The following HS3ST5 variants were observed in gnomAD, a reference collection of about 807,000 sequenced individuals.
The protein encoded by HS3ST5 is heparan sulfate-glucosamine 3-sulfotransferase 5, also known as heparan sulfate glucosamine 3-O-sulfotransferase 5.
Under a neutral mutation model 25.4 loss-of-function variants are expected in HS3ST5, and 10 were observed. The observed-to-expected ratio is 0.39, with a 90% confidence interval of 0.24 to 0.67. The LOEUF (loss-of-function observed/expected upper bound fraction) is 0.67. Ranked by LOEUF, HS3ST5 falls within the 30% of genes least tolerant of loss-of-function variation. HS3ST5 has a pLI of 0.44. For missense variants in HS3ST5, 324 were observed against 420.7 expected, an observed-to-expected ratio of 0.77 and a Z score of 2.01; for synonymous variants, 170 against 162.4, an observed-to-expected ratio of 1.05 and a Z score of -0.36.
chr6:114,201,844 CCTT>C (rs925120422), intron 2 of HS3ST5, among the ~76,000 whole-genome samples: 11 of 152,144 alleles, frequency 7.2e-5, no homozygotes, highest in African/African-American at 2.4e-4. Context: ...GCAAACATGT[CCTT>C]CTTTACATGG....
At chr6:114,130,983 A>C (rs1777303594) in intron 3 of HS3ST5, among the ~76,000 whole-genome samples, 1 of 152,156 alleles carries the variant, frequency 6.6e-6, no homozygotes, top group Non-Finnish European at 1.5e-5. Flanking sequence ...TCAAGGCTGC[A>C]GTGAACTATG....
chr6:114,250,756 G>T (rs1461132287), intron 1 of HS3ST5, among the ~76,000 whole-genome samples: 1 of 152,112 alleles, frequency 6.6e-6, no homozygotes, highest in Non-Finnish European at 1.5e-5. Context: ...CTGTATTCCA[G>T]ATAAACAGTG....
chr6:114,125,059 A>C (rs1582627540), intron 3 of HS3ST5, among the ~76,000 whole-genome samples: 1 of 152,166 alleles, frequency 6.6e-6, no homozygotes, highest in Non-Finnish European at 1.5e-5. Flanking sequence ...AAAGCAAATA[A>C]AATATCATTG....
At chr6:114,133,704 G>T (rs1292359274) in intron 3 of HS3ST5, among the ~76,000 whole-genome samples, 1 of 152,182 alleles carries the variant, frequency 6.6e-6, no homozygotes, top group Non-Finnish European at 1.5e-5. Context: ...CATTTGTAGT[G>T]GGGGCAAGAG....
chr6:114,203,617 A>T (rs971178987), intron 2 of HS3ST5, among the ~76,000 whole-genome samples: 1 of 152,192 alleles, frequency 6.6e-6, no homozygotes, highest in African/African-American at 2.4e-5. Flanking sequence ...GAACTAAGTC[A>T]TACCAAGGAA....
At chr6:114,085,407 C>A (rs765936545) in intron 3 of HS3ST5, among the ~76,000 whole-genome samples, 52 of 152,100 alleles carry the variant, frequency 3.4e-4, no homozygotes, top group Non-Finnish European at 7.5e-4. Context: ...CAAGCAAAGA[C>A]CAATTTGGGA....
intron 1 of HS3ST5, among the ~76,000 whole-genome samples, chr6:114,341,950 C>G (rs1227097887): frequency 6.6e-6 from 1 of 152,164 alleles, no homozygotes; most frequent in East Asian, 1.9e-4. Flanking sequence ...CACCTTCTGT[C>G]TAATTTTACC....
At chr6:114,110,840 A>G (rs1776230944) in intron 3 of HS3ST5, among the ~76,000 whole-genome samples, 1 of 152,312 alleles carries the variant, frequency 6.6e-6, no homozygotes, top group African/African-American at 2.4e-5. Context: ...AGTTTGACAA[A>G]ATATTTAAAA....
intron 1 of HS3ST5, among the ~76,000 whole-genome samples, chr6:114,341,408 G>A (rs991391744): frequency 3.3e-5 from 5 of 152,106 alleles, no homozygotes; most frequent in African/African-American, 1.2e-4. Context: ...TGTTTGCTGG[G>A]CGCTTGGAAC....
Position 114,094,842 on chromosome 6 carries a change from A to G in HS3ST5, c.-32-31965T>C, listed in dbSNP as rs534470877. Reference sequence around the variant, plus strand: ...GCAATGTCACCGTTGTGATTTTTATACATGACATAAGATGGTCCTTCTAGT... The same window carrying G: ...GCAATGTCACCGTTGTGATTTTTATGCATGACATAAGATGGTCCTTCTAGT... On this transcript the variant is annotated intron_variant, in intron 3 of 4. Coordinates refer to ENST00000312719, the MANE Select transcript of HS3ST5 (RefSeq NM_153612.4). Among the ~76,000 whole-genome samples, 4 of 152,314 alleles carry G rather than the reference A, an allele frequency of 2.6e-5. No individual in the cohort carries two copies. The East Asian group carries it at 7.7e-4, about 29-fold the overall frequency.
chr6:114,148,835 C>A (rs1160791959), intron 3 of HS3ST5, among the ~76,000 whole-genome samples: 7 of 152,144 alleles, frequency 4.6e-5, no homozygotes, highest in African/African-American at 1.7e-4. Context: ...TTTTTGCAAT[C>A]TACCCATCTG....
intron 2 of HS3ST5, among the ~76,000 whole-genome samples, chr6:114,181,360 A>G (rs780813193): frequency 2.1e-4 from 32 of 152,320 alleles, no homozygotes; most frequent in Non-Finnish European, 4.1e-4. Context: ...CATAGATACA[A>G]TGTGGCTTAA....
intron 3 of HS3ST5, among the ~76,000 whole-genome samples, chr6:114,100,784 C>G (rs1200447653): frequency 1.3e-5 from 2 of 152,112 alleles, no homozygotes; most frequent in African/African-American, 4.8e-5. Flanking sequence ...ATATTTAGTT[C>G]CAAAACATAC....
At chr6:114,229,132 C>T (rs1016177947) in intron 1 of HS3ST5, among the ~76,000 whole-genome samples, 4 of 152,110 alleles carry the variant, frequency 2.6e-5, no homozygotes, top group Non-Finnish European at 4.4e-5. Context: ...ACATGAGGCT[C>T]TATCACCCCC....
intron 4 of HS3ST5, 113 bp from the exon 5 acceptor site, chr6:114,058,303 T>C: frequency 1.3e-6 from 1 of 742,140 alleles, no homozygotes; most frequent in Non-Finnish European, 2.1e-6. Context: ...GTTCCCAGCC[T>C]GCTGCAATCC....
chr6:114,117,540 G>A (rs535962877), intron 3 of HS3ST5, among the ~76,000 whole-genome samples: 2 of 152,230 alleles, frequency 1.3e-5, no homozygotes, highest in South Asian at 2.1e-4. Flanking sequence ...CACTTCAAAA[G>A]AGTTAAATGC....
intron 1 of HS3ST5, among the ~76,000 whole-genome samples, chr6:114,240,422 T>C (rs1772057552): frequency 6.6e-6 from 1 of 152,140 alleles, no homozygotes; most frequent in Admixed American, 6.5e-5. Flanking sequence ...CATCTCAATG[T>C]TAAAATCCAG....
intron 3 of HS3ST5, among the ~76,000 whole-genome samples, chr6:114,100,041 T>C (rs1270186312): frequency 6.6e-6 from 1 of 152,212 alleles, no homozygotes; most frequent in African/African-American, 2.4e-5. Context: ...TAATATGTTT[T>C]ACCTTTTATC....
chr6:114,111,034 A>G (rs1272515395), intron 3 of HS3ST5, among the ~76,000 whole-genome samples: 1 of 152,022 alleles, frequency 6.6e-6, no homozygotes, highest in African/African-American at 2.4e-5. Context: ...TTCATATCCA[A>G]CTCATATTCA....
Sources: gnomAD v4.1 joint callset for allele counts (sites outside exome capture counted in the v4.1 genomes callset) on GRCh38, gnomAD v4.1.1 for gene constraint, MANE v1.5 for transcripts, NCBI Gene and HGNC (gene_info 2026-07-23, HGNC 2026-07-21) for gene names.